The following TTC29 variants were observed in gnomAD, a reference collection of about 807,000 sequenced individuals.
The protein encoded by TTC29 is tetratricopeptide repeat domain 29.
A neutral mutation model predicts 58.1 loss-of-function variants in TTC29; 49 were observed. The ratio of observed to expected loss-of-function variants is 0.84; its 90% confidence interval spans 0.67 to 1.07. The LOEUF (loss-of-function observed/expected upper bound fraction) is 1.07. TTC29 is among the 50% of genes least tolerant of loss of function. TTC29 has a pLI of 0.00. For synonymous variants in TTC29, 209 were observed against 196.8 expected (o/e 1.06, Z -0.52); for missense variants, 582 against 555.6 (o/e 1.05, Z -0.48).
chr4:146,872,239 C>T (rs576615524), intron 7 of TTC29, among the ~76,000 whole-genome samples: 2 of 152,018 alleles, frequency 1.3e-5, no homozygotes, highest in African/African-American at 4.8e-5. Context: ...CATGTGCACA[C>T]ACACACACAT....
At chr4:146,714,462 A>G (rs1742770490) in intron 11 of TTC29, among the ~76,000 whole-genome samples, 1 of 152,118 alleles carries the variant, frequency 6.6e-6, no homozygotes, top group African/African-American at 2.4e-5. Flanking sequence ...CATTATAAAA[A>G]GGAGATTGAG....
intron 11 of TTC29, among the ~76,000 whole-genome samples, chr4:146,760,846 A>ATG (rs1167332276): frequency 6.6e-5 from 9 of 136,658 alleles, no homozygotes; most frequent in African/African-American, 2.5e-4. Context: ...ATGGAATACT[A>ATG]TATATATATG....
At chr4:146,802,072 C>G (rs1395567708) in intron 11 of TTC29, among the ~76,000 whole-genome samples, 1 of 143,588 alleles carries the variant, frequency 7.0e-6, no homozygotes, top group Non-Finnish European at 1.5e-5. Flanking sequence ...TCAGAAGATA[C>G]TGTTTTCAGG....
intron 9 of TTC29, among the ~76,000 whole-genome samples, chr4:146,828,726 G>T (rs1272350271): frequency 6.6e-6 from 1 of 151,966 alleles, no homozygotes; most frequent in Admixed American, 6.6e-5. Context: ...TCTTCCAAAG[G>T]AGCAATAGAT....
chr4:146,725,071 A>C (rs1193362528), intron 11 of TTC29, among the ~76,000 whole-genome samples: 3 of 152,206 alleles, frequency 2.0e-5, no homozygotes, highest in Non-Finnish European at 4.4e-5. Context: ...TACTCAAATA[A>C]TCTGCCTCCT....
rs1561066581 is a variant in TTC29, at chr4:146,728,827, A to ATATATACACATATATGTGTATATATACG, written c.1331-21277_1331-21276insCGTATATATACACATATATGTGTATATA. On this transcript the variant is annotated intron_variant, in intron 11 of 12. Transcript: ENST00000325106. ...TACACATATATATGTGTATATATAC[A>ATATATACACATATATGTGTATATATACG]TATATATACACATATATATGTATAT... Among the ~76,000 whole-genome samples, 15 of 67,798 alleles carry ATATATACACATATATGTGTATATATACG rather than the reference A, an allele frequency of 2.2e-4. 6 individuals carry two copies. The highest frequency in any genetic ancestry group is 1.2e-3 in the South Asian group (2 of 1,604). The allele number at this position is 67,798 out of a possible 152,430, so 44.5% of individuals were successfully genotyped here.
intron 7 of TTC29, among the ~76,000 whole-genome samples, chr4:146,873,599 A>T (rs537526072): frequency 2.0e-5 from 3 of 152,314 alleles, no homozygotes; most frequent in Admixed American, 2.0e-4. Context: ...AATTCCATGT[A>T]ACTTTCCATG....
At chr4:146,758,027 T>G (rs1746588128) in intron 11 of TTC29, among the ~76,000 whole-genome samples, 1 of 152,084 alleles carries the variant, frequency 6.6e-6, no homozygotes, top group Non-Finnish European at 1.5e-5. Context: ...GCTTAAATGC[T>G]GCACTTAAAA....
At chr4:146,845,226 T>A (rs1219018791) in intron 8 of TTC29, among the ~76,000 whole-genome samples, 1 of 152,118 alleles carries the variant, frequency 6.6e-6, no homozygotes, top group Non-Finnish European at 1.5e-5. Flanking sequence ...ACAGCTGCCT[T>A]AGAGTTAAGG....
intron 8 of TTC29, among the ~76,000 whole-genome samples, chr4:146,853,143 T>C (rs1467770753): frequency 4.6e-5 from 7 of 152,120 alleles, no homozygotes; most frequent in Admixed American, 3.3e-4. Context: ...ACTTTTTAAG[T>C]AGTTTTTCTT....
chr4:146,902,118 CG>C (rs1733188532), intron 6 of TTC29, among the ~76,000 whole-genome samples: 1 of 152,050 alleles, frequency 6.6e-6, no homozygotes, highest in Non-Finnish European at 1.5e-5. Context: ...TTGTTTTATC[CG>C]AGTTAATTAC....
intron 4 of TTC29, among the ~76,000 whole-genome samples, chr4:146,919,274 C>T (rs189464736): frequency 5.6e-4 from 85 of 151,200 alleles, no homozygotes; most frequent in African/African-American, 1.9e-3. Context: ...TTTCAGATTA[C>T]ACTGTACTTC....
At chr4:146,869,090 C>T (rs922188088) in intron 7 of TTC29, among the ~76,000 whole-genome samples, 15 of 115,184 alleles carry the variant, frequency 1.3e-4, no homozygotes, top group African/African-American at 5.1e-4. Flanking sequence ...GTCTGTGGAG[C>T]TTTAAGTAAA....
chr4:146,727,600 C>T (rs1463749222), intron 11 of TTC29, among the ~76,000 whole-genome samples: 3 of 152,102 alleles, frequency 2.0e-5, no homozygotes, highest in African/African-American at 7.2e-5. Flanking sequence ...TAATATGTAG[C>T]CTTTTCAGAC....
intron 11 of TTC29, among the ~76,000 whole-genome samples, chr4:146,728,828 TATATATACAC>T (rs1439245301): frequency 9.5e-5 from 11 of 116,000 alleles, no homozygotes; most frequent in East Asian, 2.5e-4. Flanking sequence ...TATATATACA[TATATATACAC>T]ATATATATGT....
intron 11 of TTC29, among the ~76,000 whole-genome samples, chr4:146,787,648 C>T (rs115369951): frequency 0.046 from 6,937 of 152,252 alleles, 301 homozygotes; most frequent in Admixed American, 0.13. Flanking sequence ...GCAGCTTCAC[C>T]GTCCCAAGTC....
intron 10 of TTC29, among the ~76,000 whole-genome samples, chr4:146,818,905 AG>A (rs1751624315): frequency 6.7e-6 from 1 of 149,920 alleles, no homozygotes; most frequent in Non-Finnish European, 1.5e-5. Flanking sequence ...GGACACAGGA[AG>A]GGGAACATCA....
chr4:146,710,624 G>T (rs1407994524), intron 11 of TTC29, among the ~76,000 whole-genome samples: 1 of 152,104 alleles, frequency 6.6e-6, no homozygotes, highest in Non-Finnish European at 1.5e-5. Flanking sequence ...CTTAAGGTGT[G>T]ATTTGAGATG....
At chr4:146,839,263 T>A (rs1381972160) in intron 8 of TTC29, among the ~76,000 whole-genome samples, 1 of 151,994 alleles carries the variant, frequency 6.6e-6, no homozygotes, top group East Asian at 1.9e-4. Context: ...ATATTATAGA[T>A]AATAATTATA....
Sources: allele counts gnomAD v4.1 joint callset (sites outside exome capture counted in the v4.1 genomes callset), GRCh38; gene constraint gnomAD v4.1.1; transcripts MANE v1.5; gene names NCBI Gene and HGNC (gene_info 2026-07-23, HGNC 2026-07-21).